DIAPH2: variants seen among roughly 807,000 people sequenced by gnomAD.
DIAPH2 encodes the protein diaphanous related formin 2.
Under a neutral mutation model 92.7 loss-of-function variants are expected in DIAPH2, and 35 were observed. That is an observed-to-expected ratio of 0.38 (90% CI 0.29 to 0.50). The LOEUF (loss-of-function observed/expected upper bound fraction) is 0.50. Ranked by LOEUF, DIAPH2 falls within the 20% of genes least tolerant of loss-of-function variation. The pLI is 0.94. For synonymous variants in DIAPH2, 301 were observed against 280.4 expected, an observed-to-expected ratio of 1.07 and a Z score of -0.73; for missense variants, 701 against 819.5, an observed-to-expected ratio of 0.86 and a Z score of 1.77.
intron 26 of DIAPH2, among the ~76,000 whole-genome samples, chrX:97,490,960 A>AT (rs751878170): frequency 0.025 from 2,617 of 102,797 alleles, 51 homozygotes; most frequent in African/African-American, 0.068. Context: ...TTCCTTATTG[A>AT]TTTTTTTTTT....
intron 23 of DIAPH2, among the ~76,000 whole-genome samples, chrX:97,284,624 A>C (rs566941922): frequency 7.4e-4 from 81 of 110,060 alleles, no homozygotes; most frequent in South Asian, 1.6e-3. Context: ...AAAAAAAAAA[A>C]AACAAAGAGT....
chrX:96,914,188 C>G (rs1226022580), intron 7 of DIAPH2, among the ~76,000 whole-genome samples: 1 of 110,727 alleles, frequency 9.0e-6, no homozygotes, highest in African/African-American at 3.3e-5. Flanking sequence ...TGAATGCTTG[C>G]TAGTGGACAT....
intron 26 of DIAPH2, among the ~76,000 whole-genome samples, chrX:97,560,609 C>T (rs913597987): frequency 1.8e-5 from 2 of 111,798 alleles, no homozygotes; most frequent in African/African-American, 6.5e-5. Context: ...TCTCCTGCCT[C>T]AGCCTCCTGA....
intron 5 of DIAPH2, among the ~76,000 whole-genome samples, chrX:96,898,823 A>T (rs959942587): frequency 1.0e-4 from 11 of 107,093 alleles, no homozygotes; most frequent in Non-Finnish European, 1.9e-4. Flanking sequence ...CTGAATGGTA[A>T]TGCCTAGGTT....
intron 17 of DIAPH2, among the ~76,000 whole-genome samples, chrX:96,973,852 C>T (rs752100987): frequency 5.4e-5 from 6 of 110,098 alleles, no homozygotes; most frequent in Non-Finnish European, 9.5e-5. Flanking sequence ...TGTGCCATCA[C>T]GCCCGACTAA....
chrX:96,708,074 A>T, intron 1 of DIAPH2, among the ~76,000 whole-genome samples: 1 of 110,792 alleles, frequency 9.0e-6, no homozygotes, highest in Admixed American at 9.6e-5. Context: ...GTATAGAAAC[A>T]TTGAAGAAAG....
At chrX:97,244,872 C>T (rs1230440931) in intron 22 of DIAPH2, among the ~76,000 whole-genome samples, 1 of 111,511 alleles carries the variant, frequency 9.0e-6, no homozygotes, top group Non-Finnish European at 1.9e-5. Context: ...GGGTGGATCA[C>T]AAGGTCAGGA....
intron 25 of DIAPH2, among the ~76,000 whole-genome samples, chrX:97,386,138 A>G (rs1257477236): frequency 8.9e-6 from 1 of 112,235 alleles, no homozygotes; most frequent in Non-Finnish European, 1.9e-5. Flanking sequence ...TATAGTTTAT[A>G]TCTTCCACCC....
At chrX:97,095,994 C>T (rs1322894317) in intron 19 of DIAPH2, among the ~76,000 whole-genome samples, 3 of 111,462 alleles carry the variant, frequency 2.7e-5, no homozygotes, top group Non-Finnish European at 5.6e-5. Context: ...AACACAAATC[C>T]TGAAATATTT....
At chrX:97,583,986 A>T (rs1245355467) in intron 26 of DIAPH2, among the ~76,000 whole-genome samples, 3 of 111,651 alleles carry the variant, frequency 2.7e-5, no homozygotes, top group South Asian at 3.8e-4. Flanking sequence ...GAGCTCCCTG[A>T]CCCCTTGGGC....
At chrX:97,160,383 C>T (rs147347279) in intron 22 of DIAPH2, among the ~76,000 whole-genome samples, 3,315 of 112,323 alleles carry the variant, frequency 0.03, 43 homozygotes, top group Middle Eastern at 0.046. Flanking sequence ...AAGTAGAAAC[C>T]AGTTACAAGG....
intron 26 of DIAPH2, among the ~76,000 whole-genome samples, chrX:97,590,218 C>A (rs1475502502): frequency 5.4e-5 from 6 of 111,662 alleles, no homozygotes. Context: ...TGAACGACTG[C>A]CATTTCTGCC....
chrX:96,744,316 C>T (rs2064136859), intron 3 of DIAPH2, among the ~76,000 whole-genome samples: 2 of 111,407 alleles, frequency 1.8e-5, no homozygotes, highest in South Asian at 7.6e-4. Context: ...ATTGTTATAC[C>T]CCATTTTCAG....
chrX:97,352,648 T>TC (rs751111709), intron 24 of DIAPH2, among the ~76,000 whole-genome samples: 2,057 of 108,628 alleles, frequency 0.019, 70 homozygotes, highest in Non-Finnish European at 0.028. Context: ...GGTGGGCAGA[T>TC]CACGAGGTCA....
rs1399725134 is a variant in DIAPH2, at chrX:96,833,498, G to A, written c.448-48081G>A. Among the ~76,000 whole-genome samples, 3 of 110,697 alleles carry A rather than the reference G, an allele frequency of 2.7e-5. No homozygotes were observed. The East Asian group carries it at 8.4e-4, about 31-fold the overall frequency. Reference sequence around the variant, plus strand: ...TAATGCTTACATTTTACATAGGAATGCAAACAGTCCTATTTTAAGTCTGGT... The same window carrying A: ...TAATGCTTACATTTTACATAGGAATACAAACAGTCCTATTTTAAGTCTGGT... On this transcript the variant is annotated intron_variant, in intron 4 of 26. Coordinates refer to ENST00000324765, the MANE Select transcript of DIAPH2 (RefSeq NM_006729.5).
intron 23 of DIAPH2, among the ~76,000 whole-genome samples, chrX:97,330,227 T>A (rs921881285): frequency 2.6e-4 from 28 of 108,898 alleles, no homozygotes; most frequent in African/African-American, 9.4e-4. Flanking sequence ...AATTTTTGAA[T>A]GTACAGTACA....
At position 97,072,985 on chromosome X, in the gene DIAPH2, A is replaced by T; in HGVS notation, c.2095A>T (p.Thr699Ser). The T allele has an allele frequency of 8.3e-7, 1 of 1,204,529 alleles. No homozygotes were observed. Among genetic ancestry groups the T allele is most frequent in the Non-Finnish European group, 1.1e-6 (1 of 893,104 alleles). ...EALEEKKTGP[T>S]KKKVKELRIL... ...ATTAGAAGAAAAGAAGACTGGGCCT[A>T]CAAAGAAGAAAGTGAAAGAACTGAG... The change falls in exon 18 of 27, where the codon ACA becomes TCA. Residue 699 changes from threonine (T) to serine (S), a missense_variant. Physicochemically the swap from Thr to Ser is moderately conservative, Grantham distance 58 (BLOSUM62 1). Coordinates refer to ENST00000324765, the MANE Select transcript of DIAPH2 (RefSeq NM_006729.5).
In DIAPH2 at chrX:96,704,008, T is replaced by A. The variant is rs150470546; in HGVS notation, c.132+18818T>A. Reference sequence around the variant, plus strand: ...CAATGTTGTGATCATGGCTTACTGCTGCCTCGGACTGTTGGGCTCAAGGGA... The same window carrying A: ...CAATGTTGTGATCATGGCTTACTGCAGCCTCGGACTGTTGGGCTCAAGGGA... On this transcript the variant is annotated intron_variant, in intron 1 of 26. Coordinates refer to ENST00000324765, the MANE Select transcript of DIAPH2 (RefSeq NM_006729.5). 1.6e-3 allele frequency among the ~76,000 whole-genome samples: 179 copies of A among 111,430 alleles called. No homozygotes were observed. In the Middle Eastern group the frequency reaches 0.018, roughly 11 times the overall value.
chrX:96,813,271 T>A (rs1426802193), intron 4 of DIAPH2, among the ~76,000 whole-genome samples: 1 of 109,410 alleles, frequency 9.1e-6, no homozygotes, highest in African/African-American at 3.3e-5. Context: ...TTTACCATTA[T>A]ATAATGGCCT....
Sources: allele counts gnomAD v4.1 joint callset (sites outside exome capture counted in the v4.1 genomes callset), GRCh38; gene constraint gnomAD v4.1.1; transcripts MANE v1.5; gene names NCBI Gene and HGNC (gene_info 2026-07-23, HGNC 2026-07-21).